OR51E1: variants seen among roughly 807,000 people sequenced by gnomAD.
The protein encoded by OR51E1 is olfactory receptor 51E1.
OR51E1 carries 9 observed loss-of-function variants against 11.5 expected under a neutral mutation model. The observed-to-expected ratio is 0.78, with a 90% CI of 0.47 to 1.37. OR51E1 has a LOEUF of 1.37. Ranked by LOEUF, OR51E1 falls within the 40% of genes most tolerant of loss-of-function variation. The probability of loss-of-function intolerance (pLI) is 0.00; values close to 1 mark genes in which losing one functional copy is unlikely to be tolerated. For missense variants in OR51E1, 397 were observed against 410.2 expected (o/e 0.97, Z 0.28); for synonymous variants, 168 against 158.3 (o/e 1.06, Z -0.46).
rs1847114870 is a variant in OR51E1 at position 4,652,710 on chromosome 11, A to G, written c.184A>G (p.Met62Val). ...VRTEHSLHEPMYIFLCMLSGI... is the reference protein window; with the variant it reads ...VRTEHSLHEPVYIFLCMLSGI... Reference sequence around the variant, plus strand: ...GACTGAGCACAGCCTGCATGAGCCCATGTATATATTTCTTTGCATGCTTTC... The same window carrying G: ...GACTGAGCACAGCCTGCATGAGCCCGTGTATATATTTCTTTGCATGCTTTC... The change falls in exon 2 of 2, where the codon ATG becomes GTG. Residue 62 changes from methionine (M) to valine (V), a missense_variant. Met to Val is a conservative substitution (Grantham distance 21). Transcript: ENST00000396952. The G allele has an allele frequency of 6.2e-7, 1 of 1,614,004 alleles. No individual in the cohort carries two copies. Among genetic ancestry groups the G allele is most frequent in the Non-Finnish European group, 8.5e-7 (1 of 1,180,008 alleles).
rs1289618472 is a variant in OR51E1 at position 4,654,205 on chromosome 11, T to C, written c.*722T>C. On this transcript the variant is annotated 3_prime_UTR_variant, in exon 2 of 2. Coordinates refer to ENST00000396952, the MANE Select transcript of OR51E1 (RefSeq NM_152430.4). ...GGGATCAGTGAATTAAATGGGGTCA[T>C]ACAAGTATAAAAATTAAAAAAAAAA... 1 of 166,936 alleles carries C rather than the reference T, an allele frequency of 6.0e-6. No homozygotes were observed. The highest frequency in any genetic ancestry group is 1.5e-5 in the Non-Finnish European group (1 of 68,098). 10.3% of individuals were successfully genotyped at this position (166,936 alleles called of 1,614,324 possible).
intron 1 of OR51E1, among the ~76,000 whole-genome samples, chr11:4,648,495 GTTA>G (rs1589861225): frequency 6.6e-6 from 1 of 152,184 alleles, no homozygotes; most frequent in African/African-American, 2.4e-5. Flanking sequence ...GCACTATGCA[GTTA>G]TTATTATTCA....
Position 4,648,840 on chromosome 11 carries a change from C to T in OR51E1, c.-39-3648C>T, listed in dbSNP as rs564309849. On this transcript the variant is annotated intron_variant, in intron 1 of 1. Coordinates refer to ENST00000396952, the MANE Select transcript of OR51E1 (RefSeq NM_152430.4). ...TGCATTTATTAGGACCAAGACCTTG[C>T]AGCTGCTCTGTTTTTTTTAATACAT... 3.9e-5 allele frequency among the ~76,000 whole-genome samples: 6 copies of T among 152,298 alleles called. No homozygotes were observed. The East Asian group carries it at 1.2e-3, about 29-fold the overall frequency.
intron 1 of OR51E1, among the ~76,000 whole-genome samples, chr11:4,646,157 G>A (rs1847028044): frequency 6.6e-6 from 1 of 152,176 alleles, no homozygotes; most frequent in African/African-American, 2.4e-5. Flanking sequence ...TCTCTCCAGG[G>A]ACATTCTTTT....
Position 4,652,880 on chromosome 11 carries a change from G to T in OR51E1, c.354G>T (p.Leu118=). The change falls in exon 2 of 2, where the codon CTG becomes CTT. Residue 118 remains leucine (L), a synonymous_variant. Coordinates refer to ENST00000396952, the MANE Select transcript of OR51E1 (RefSeq NM_152430.4). Reference sequence around the variant, plus strand: ...TATCTGGCATGGAATCCACAGTGCTGCTGGCCATGGCTTTTGACCGCTATG... The same window carrying T: ...TATCTGGCATGGAATCCACAGTGCTTCTGGCCATGGCTTTTGACCGCTATG... ...HSLSGMESTV[L]LAMAFDRYVA... is the part of the protein sequence containing the mutation. 2 of 1,613,506 alleles carry T rather than the reference G, an allele frequency of 1.2e-6. No homozygotes were observed. Among genetic ancestry groups the T allele is most frequent in the South Asian group, 1.1e-5 (1 of 90,988 alleles).
rs1166450499 is a variant in OR51E1, at chr11:4,653,400, A to G, written c.874A>G (p.Ile292Val). 31 of 1,613,930 alleles carry G rather than the reference A, an allele frequency of 1.9e-5. No individual in the cohort carries two copies. The Admixed American group carries it at 2.0e-4, about 10-fold the overall frequency. Residue 292 changes from isoleucine (I) to valine (V), a missense_variant, in exon 2 of 2, where the codon ATT (isoleucine) becomes GTT (valine). By Grantham distance (29) the Ile-to-Val change is conservative. Transcript: ENST00000396952. ...YLLVPPVLNP[I>V]VYGVKTKEIR... Reference sequence around the variant, plus strand: ...GCTGGTTCCTCCTGTGCTCAACCCAATTGTCTATGGAGTGAAGACAAAGGA... The same window carrying G: ...GCTGGTTCCTCCTGTGCTCAACCCAGTTGTCTATGGAGTGAAGACAAAGGA...
rs768406862 is a variant in OR51E1 at position 4,652,583 on chromosome 11, C to T, written c.57C>T (p.Gly19=). The T allele has an allele frequency of 6.2e-7, 1 of 1,613,972 alleles. No homozygotes were observed. The highest frequency in any genetic ancestry group is 1.3e-5 in the African/African-American group (1 of 74,904). Reference sequence around the variant, plus strand: ...GTGCTACATACTTCATCCTAATAGGCCTCCCTGGTTTAGAAGAGGCTCAGT... The same window carrying T: ...GTGCTACATACTTCATCCTAATAGGTCTCCCTGGTTTAGAAGAGGCTCAGT... ...ESSATYFILI[G]LPGLEEAQFW... is the part of the protein sequence containing the mutation. The change falls in exon 2 of 2, where the codon GGC becomes GGT. Residue 19 remains glycine, a synonymous_variant. Coordinates refer to ENST00000396952, the MANE Select transcript of OR51E1 (RefSeq NM_152430.4).
At chr11:4,646,870 A>C (rs1182952793) in intron 1 of OR51E1, among the ~76,000 whole-genome samples, 1 of 152,228 alleles carries the variant, frequency 6.6e-6, no homozygotes, top group Non-Finnish European at 1.5e-5. Flanking sequence ...AGGCCTTGGT[A>C]TGAGACTATC....
At chr11:4,649,129 A>G (rs2133225308) in intron 1 of OR51E1, among the ~76,000 whole-genome samples, 1 of 152,304 alleles carries the variant, frequency 6.6e-6, no homozygotes, top group Non-Finnish European at 1.5e-5. Context: ...TAATAAATAT[A>G]ATAAGGTTCC....
chr11:4,645,654 A>G (rs1230797232), intron 1 of OR51E1, among the ~76,000 whole-genome samples: 1 of 152,190 alleles, frequency 6.6e-6, no homozygotes, highest in South Asian at 2.1e-4. Flanking sequence ...TGCAGCCAGA[A>G]TAGCTCTACA....
At chr11:4,645,654 A>C (rs1230797232) in intron 1 of OR51E1, among the ~76,000 whole-genome samples, 5 of 152,190 alleles carry the variant, frequency 3.3e-5, no homozygotes, top group Non-Finnish European at 7.3e-5. Flanking sequence ...TGCAGCCAGA[A>C]TAGCTCTACA....
chr11:4,649,488 A>T (rs759937674), intron 1 of OR51E1, among the ~76,000 whole-genome samples: 14 of 152,190 alleles, frequency 9.2e-5, no homozygotes, highest in Non-Finnish European at 1.6e-4. Context: ...GATCATAGGG[A>T]TCATGGTGAG....
At chr11:4,650,401 G>A (rs1847079718) in intron 1 of OR51E1, among the ~76,000 whole-genome samples, 1 of 152,198 alleles carries the variant, frequency 6.6e-6, no homozygotes, top group Non-Finnish European at 1.5e-5. Context: ...CAGAGAAGCT[G>A]CAGCAGCGAG....
intron 1 of OR51E1, among the ~76,000 whole-genome samples, chr11:4,651,767 G>A (rs1483495557): frequency 6.6e-6 from 1 of 152,190 alleles, no homozygotes; most frequent in African/African-American, 2.4e-5. Context: ...CTGGACAAGT[G>A]TAAAGCTTTG....
intron 1 of OR51E1, among the ~76,000 whole-genome samples, chr11:4,647,091 AC>A (rs1197788541): frequency 1.3e-5 from 2 of 152,090 alleles, no homozygotes; most frequent in African/African-American, 4.8e-5. Flanking sequence ...TCTGCCTTAA[AC>A]TTTCCCTCCC....
chr11:4,646,919 T>G (rs778453225), intron 1 of OR51E1, among the ~76,000 whole-genome samples: 2 of 152,180 alleles, frequency 1.3e-5, no homozygotes, highest in African/African-American at 2.4e-5. Flanking sequence ...CTGTTAAACT[T>G]TGGTTATGTT....
intron 1 of OR51E1, among the ~76,000 whole-genome samples, chr11:4,649,284 A>G (rs1847065525): frequency 1.3e-5 from 2 of 152,224 alleles, no homozygotes; most frequent in Non-Finnish European, 2.9e-5. Flanking sequence ...TAGGTAAAAA[A>G]GGCTTAGGAA....
rs1350593616 is a variant in OR51E1, at chr11:4,655,373, A to C, written c.*1890A>C. 7.8e-5 allele frequency: 13 copies of C among 167,062 alleles called. No individual in the cohort carries two copies. Among genetic ancestry groups the C allele is most frequent in the Non-Finnish European group, 4.4e-5 (3 of 68,116 alleles). The allele number at this position is 167,062 out of a possible 1,614,324, so 10.3% of individuals were successfully genotyped here. A position where few individuals can be genotyped will look rare whatever the true frequency, so the allele number is the denominator to read the frequency against. ...ACAGAGTAAATCACCAGAAGCCTGG[A>C]TTTCTGAAAAAACTGTGCAGAGCCA... On this transcript the variant is annotated 3_prime_UTR_variant, in exon 2 of 2. Transcript: ENST00000396952.
Position 4,653,564 on chromosome 11 carries a change from GA to G in OR51E1, c.*89del, listed in dbSNP as rs1308697476. ...TTAACATTTTGGAAGACAGTATTCA[GA>G]AAAAAAATTTCCTTAATAAAAATAC... is the stretch of plus-strand genomic sequence containing the variant. On this transcript the variant is annotated 3_prime_UTR_variant, in exon 2 of 2. Transcript: ENST00000396952. The G allele has an allele frequency of 6.9e-6, 6 of 869,660 alleles. No homozygotes were observed. The highest frequency in any genetic ancestry group is 5.7e-5 in the South Asian group (3 of 52,254). 53.9% of individuals were successfully genotyped at this position (869,660 alleles called of 1,614,324 possible).
Sources: gnomAD v4.1 joint callset for allele counts (sites outside exome capture counted in the v4.1 genomes callset) on GRCh38, gnomAD v4.1.1 for gene constraint, MANE v1.5 for transcripts, NCBI Gene and HGNC (gene_info 2026-07-23, HGNC 2026-07-21) for gene names.